Variants in DBX2 observed in about 807,000 individuals in gnomAD.
DBX2 encodes the protein developing brain homeobox 2.
DBX2 carries 16 observed loss-of-function variants against 17.7 expected under a neutral mutation model. The ratio of observed to expected loss-of-function variants is 0.90; its 90% CI spans 0.61 to 1.37. The LOEUF is 1.37. Ranked by LOEUF, DBX2 falls within the 40% of genes most tolerant of loss-of-function variation. DBX2 has a pLI of 0.00. For synonymous variants in DBX2, 255 were observed against 183.8 expected (o/e 1.39, Z -3.13); for missense variants, 538 against 433.8 (o/e 1.24, Z -2.13).
At chr12:45,035,928 C>T in intron 2 of DBX2, 91 bp downstream of exon 2, 6 of 1,203,618 alleles carry the variant, frequency 5.0e-6, no homozygotes, top group African/African-American at 1.5e-5. Context: ...CTTGCCATTG[C>T]ATTACCAATT....
At chr12:45,026,324 G>A (rs934773157) in intron 2 of DBX2, among the ~76,000 whole-genome samples, 2 of 152,148 alleles carry the variant, frequency 1.3e-5, no homozygotes, top group African/African-American at 4.8e-5. Context: ...AAGCAGGGCA[G>A]GACATAATAA....
intron 2 of DBX2, among the ~76,000 whole-genome samples, chr12:45,029,248 T>C (rs1330141698): frequency 6.6e-6 from 1 of 152,178 alleles, no homozygotes; most frequent in Non-Finnish European, 1.5e-5. Context: ...CAATTCAAGG[T>C]GCTACAGGCT....
At chr12:45,041,361 G>A (rs1012870391) in intron 1 of DBX2, among the ~76,000 whole-genome samples, 29 of 151,870 alleles carry the variant, frequency 1.9e-4, no homozygotes, top group African/African-American at 7.0e-4. Flanking sequence ...CAATTGAACC[G>A]ACAGTCTAGG....
In DBX2 at chr12:45,019,195, C is replaced by G. The variant is rs1946338432; in HGVS notation, c.688-2577G>C. On this transcript the variant is annotated intron_variant, in intron 3 of 3. Transcript: ENST00000332700. ...AAAAAAGCCACAAACTTAGAAAGGACTTTTGCAACATCTGAAACAGGAAAA... is the reference window on the plus strand; with the variant it reads ...AAAAAAGCCACAAACTTAGAAAGGAGTTTTGCAACATCTGAAACAGGAAAA... Among the ~76,000 whole-genome samples the G allele has an allele frequency of 2.0e-5, 3 of 151,954 alleles. No homozygotes were observed. In the South Asian group the frequency reaches 6.2e-4, roughly 31 times the overall value.
At position 45,023,767 on chromosome 12, in the gene DBX2, T is replaced by G. The variant is rs1384967988; in HGVS notation, c.627A>C (p.Lys209Asn). 1.2e-6 allele frequency: 2 copies of G among 1,614,032 alleles called. No homozygotes were observed. The highest frequency in any genetic ancestry group is 1.7e-6 in the Non-Finnish European group (2 of 1,180,040). Residue 209 changes from lysine (K) to asparagine (N), a missense_variant, in exon 3 of 4, where the codon AAA becomes AAC. Transcript: ENST00000332700. Reference protein sequence around the residue: ...KALEKMFQKQKYISKTDRKKL... With the variant: ...KALEKMFQKQNYISKTDRKKL... ...TCTTTCGGTCTGTTTTGCTGATATA[T>G]TTCTGTTTCTGAAACATTTTCTCCA...
At chr12:45,050,366 C>A (rs565185771) in intron 1 of DBX2, among the ~76,000 whole-genome samples, 159 bp downstream of exon 1, 1 of 152,358 alleles carries the variant, frequency 6.6e-6, no homozygotes, top group Admixed American at 6.5e-5. Context: ...GGGCCCCCTA[C>A]TCCCGAAGTG....
intron 2 of DBX2, among the ~76,000 whole-genome samples, chr12:45,033,959 C>T (rs1946422265): frequency 2.0e-5 from 3 of 152,060 alleles, no homozygotes. Context: ...ATTTCTCAAG[C>T]AGCAGAGAAG....
intron 1 of DBX2, among the ~76,000 whole-genome samples, chr12:45,048,685 G>A (rs1035616285): frequency 6.6e-6 from 1 of 152,114 alleles, no homozygotes; most frequent in Non-Finnish European, 1.5e-5. Context: ...AAATTAATGA[G>A]ATTTTAGTTT....
chr12:45,020,669 ATATATG>A (rs1042180327), intron 3 of DBX2, among the ~76,000 whole-genome samples: 42 of 90,430 alleles, frequency 4.6e-4, no homozygotes, highest in Non-Finnish European at 7.5e-4. Context: ...GTATATGTAT[ATATATG>A]TATATATATA....
chr12:45,050,649 G>A lies in DBX2; in HGVS notation c.279C>T (p.Ser93=). ...GCGTTCCGTAGGGCGCCCCGGCGGG[G>A]CTAACTTGTTCGGCTGCGGGGCACA... The part of the protein sequence containing the change: ...LKLCPAAEQV[S]PAGAPYGTRW... Residue 93 remains serine (S), a synonymous_variant, in exon 1 of 4, where the codon AGC becomes AGT. Transcript: ENST00000332700. 1.3e-6 allele frequency: 2 copies of A among 1,549,656 alleles called. No individual in the cohort carries two copies. Among genetic ancestry groups the A allele is most frequent in the Admixed American group, 2.0e-5 (1 of 51,072 alleles).
At chr12:45,041,279 A>T (rs1406061352) in intron 1 of DBX2, among the ~76,000 whole-genome samples, 2 of 151,524 alleles carry the variant, frequency 1.3e-5, no homozygotes, top group African/African-American at 4.8e-5. Context: ...GGTTTTAATG[A>T]CCTCTTTCAC....
At chr12:45,040,138 G>A (rs1946463567) in intron 1 of DBX2, among the ~76,000 whole-genome samples, 1 of 152,056 alleles carries the variant, frequency 6.6e-6, no homozygotes, top group Non-Finnish European at 1.5e-5. Context: ...AATCTGGGTG[G>A]GCACTATCTA....
At position 45,050,675 on chromosome 12, in the gene DBX2, GC is replaced by G; in HGVS notation, c.252del (p.Lys84AsnfsTer59). 13 of 1,545,872 alleles carry G rather than the reference GC, an allele frequency of 8.4e-6. No individual in the cohort carries two copies. Among genetic ancestry groups the G allele is most frequent in the East Asian group, 2.5e-5 (1 of 40,424 alleles). ...CTAACTTGTTCGGCTGCGGGGCACA[GC>G]TTTAGGGGAACTGGGCTAGCAGGCA... The part of the protein sequence containing the change: ...RPLPASPVPL[K>X]LCPAAEQVSP... On this transcript the variant is annotated frameshift_variant, in exon 1 of 4. Transcript: ENST00000332700. LOFTEE classifies it high-confidence loss of function.
In DBX2 at chr12:45,036,080, T is replaced by A. The variant is rs1946439226; in HGVS notation, c.438A>T (p.Pro146=). ...ACCCACCGCAGCACGCCGAGTAGAATGGCGGGGTGCTCAGAAGGAAAGGTT... is the reference window on the plus strand; with the variant it reads ...ACCCACCGCAGCACGCCGAGTAGAAAGGCGGGGTGCTCAGAAGGAAAGGTT... ...PSKPFLLSTP[P]FYSACCGGSC... The change falls in exon 2 of 4, where the codon CCA becomes CCT. Residue 146 remains proline, a synonymous_variant. Transcript: ENST00000332700. 1.2e-6 allele frequency: 2 copies of A among 1,613,650 alleles called. No individual in the cohort carries two copies. Among genetic ancestry groups the A allele is most frequent in the South Asian group, 2.2e-5 (2 of 90,920 alleles).
chr12:45,033,969 G>A (rs1946422316), intron 2 of DBX2, among the ~76,000 whole-genome samples: 1 of 152,102 alleles, frequency 6.6e-6, no homozygotes, highest in South Asian at 2.1e-4. Flanking sequence ...CAGCAGAGAA[G>A]ATAAAGTCAT....
At chr12:45,047,041 CAA>C (rs1454561154) in intron 1 of DBX2, among the ~76,000 whole-genome samples, 1 of 152,046 alleles carries the variant, frequency 6.6e-6, no homozygotes, top group African/African-American at 2.4e-5. Flanking sequence ...CTTAAAATAA[CAA>C]ATGTTATTAA....
Position 45,019,794 on chromosome 12 carries a change from CA to C in DBX2, c.688-3177del, listed in dbSNP as rs369491144. On this transcript the variant is annotated intron_variant, in intron 3 of 3. Coordinates refer to ENST00000332700, the MANE Select transcript of DBX2 (RefSeq NM_001004329.3). ...ATTCAAAAAGGAAAAAAGCACCAAACAATACACATTATCAGTAGCATTATTC... is the reference window on the plus strand; with the variant it reads ...ATTCAAAAAGGAAAAAAGCACCAAACATACACATTATCAGTAGCATTATTC... Among the ~76,000 whole-genome samples the C allele has an allele frequency of 1.0e-3, 157 of 152,124 alleles. No homozygotes were observed. The South Asian group carries it at 0.012, about 12-fold the overall frequency.
intron 1 of DBX2, among the ~76,000 whole-genome samples, chr12:45,042,156 G>A (rs969111623): frequency 2.6e-5 from 4 of 152,100 alleles, no homozygotes; most frequent in African/African-American, 7.2e-5. Context: ...GGATGAGACC[G>A]TGAAAAGAAC....
chr12:45,019,684 A>G (rs1171866271), intron 3 of DBX2, among the ~76,000 whole-genome samples: 2 of 152,140 alleles, frequency 1.3e-5, no homozygotes, highest in Non-Finnish European at 2.9e-5. Flanking sequence ...AAAATTGACG[A>G]TGGTGAAATG....
Sources: allele counts gnomAD v4.1 joint callset (sites outside exome capture counted in the v4.1 genomes callset), GRCh38; gene constraint gnomAD v4.1.1; transcripts MANE v1.5; gene names NCBI Gene and HGNC (gene_info 2026-07-23, HGNC 2026-07-21).